Variants in ZNF214 observed in about 807,000 individuals in gnomAD.
The protein encoded by ZNF214 is zinc finger protein 214.
Under a neutral mutation model 53.9 loss-of-function variants are expected in ZNF214, and 43 were observed. The observed-to-expected ratio is 0.80, with a 90% CI of 0.63 to 1.03. The LOEUF is 1.03. Ranked by LOEUF, ZNF214 falls within the 50% of genes least tolerant of loss-of-function variation. The pLI is 0.00. For missense variants in ZNF214, 724 were observed against 719.1 expected (o/e 1.01, Z -0.08); for synonymous variants, 217 against 229.5 (o/e 0.95, Z 0.49).
chr11:7,000,520 C>T lies in ZNF214; in HGVS notation c.1163G>A (p.Cys388Tyr). ...RVHTGEKPYK[C>Y]DECGKGFSQS... Reference sequence around the variant, plus strand: ...GCTGAAACCCTTACCACACTCATCACACTTATATGGTTTTTCTCCTGTGTG... The same window carrying T: ...GCTGAAACCCTTACCACACTCATCATACTTATATGGTTTTTCTCCTGTGTG... The change falls in exon 3 of 3, where the codon TGT (cysteine) becomes TAT (tyrosine). Residue 388 changes from cysteine to tyrosine, a missense_variant. Coordinates refer to ENST00000278314, the MANE Select transcript of ZNF214 (RefSeq NM_013249.4). 1 of 1,612,430 alleles carries T rather than the reference C, an allele frequency of 6.2e-7. No homozygotes were observed. The highest frequency in any genetic ancestry group is 8.5e-7 in the Non-Finnish European group (1 of 1,179,188).
chr11:7,001,660 T>A (rs1851358447), intron 2 of ZNF214, 105 bp from the exon 3 acceptor site: 1 of 1,334,102 alleles, frequency 7.5e-7, no homozygotes, highest in Non-Finnish European at 1.0e-6. Flanking sequence ...TATGTGTGGC[T>A]GGGGGTAGGA....
chr11:7,003,887 AAT>A (rs1851416146), intron 1 of ZNF214, among the ~76,000 whole-genome samples: 1 of 151,888 alleles, frequency 6.6e-6, no homozygotes, highest in Admixed American at 6.6e-5. Flanking sequence ...GTATATTTTT[AAT>A]GTTTATAAAA....
At chr11:7,007,381 A>T (rs1851495546) in intron 1 of ZNF214, among the ~76,000 whole-genome samples, 1 of 151,194 alleles carries the variant, frequency 6.6e-6, no homozygotes, top group African/African-American at 2.4e-5. Context: ...CAGATTAAAA[A>T]ATAAGATTTA....
chr11:7,018,435 T>C (rs1325707361), intron 1 of ZNF214, among the ~76,000 whole-genome samples: 1 of 151,680 alleles, frequency 6.6e-6, no homozygotes, highest in Non-Finnish European at 1.5e-5. Flanking sequence ...CACTGTTTAA[T>C]GTCGATAACT....
rs180989401 is a variant in ZNF214, at chr11:6,997,343, G to C, written c.*2519C>G. Reference sequence around the variant, plus strand: ...CAATATCACATTTTCATCTGTTATAGCACATAATTAGAAATTTTTAACCCA... The same window carrying C: ...CAATATCACATTTTCATCTGTTATACCACATAATTAGAAATTTTTAACCCA... On this transcript the variant is annotated 3_prime_UTR_variant, in exon 3 of 3. Transcript: ENST00000278314. 1.4e-4 allele frequency among the ~76,000 whole-genome samples: 22 copies of C among 151,744 alleles called. No individual in the cohort carries two copies. Among genetic ancestry groups the C allele is most frequent in the African/African-American group, 5.1e-4 (21 of 41,452 alleles).
chr11:7,015,114 CAG>C (rs1400934584), intron 1 of ZNF214, among the ~76,000 whole-genome samples: 8 of 127,608 alleles, frequency 6.3e-5, no homozygotes, highest in African/African-American at 1.2e-4. Flanking sequence ...TTTTTTGAGA[CAG>C]AGTCTCGCTC....
At chr11:7,018,128 A>G (rs940800625) in intron 1 of ZNF214, among the ~76,000 whole-genome samples, 1 of 152,242 alleles carries the variant, frequency 6.6e-6, no homozygotes, top group Non-Finnish European at 1.5e-5. Flanking sequence ...CATATATACA[A>G]TAAGTATTAA....
In ZNF214 at chr11:7,001,207, G is replaced by A. The variant is rs1352973589; in HGVS notation, c.476C>T (p.Ser159Leu). ...DYGREIYMSGSHGFQGGRYRL... is the reference protein window; with the variant it reads ...DYGREIYMSGLHGFQGGRYRL... ...GTATCTGCCCCCTTGAAAACCATGT[G>A]AACCACTCATGTAGATTTCTCTACC... is the stretch of plus-strand genomic sequence containing the variant. Residue 159 changes from serine to leucine, a missense_variant, in exon 3 of 3, where the codon TCA (serine) becomes TTA (leucine). Ser to Leu is a moderately radical substitution (Grantham distance 145, BLOSUM62 -2). Coordinates refer to ENST00000278314, the MANE Select transcript of ZNF214 (RefSeq NM_013249.4). The A allele has an allele frequency of 1.2e-6, 2 of 1,613,084 alleles. No individual in the cohort carries two copies. The highest frequency in any genetic ancestry group is 1.7e-6 in the Non-Finnish European group (2 of 1,179,536).
chr11:6,999,287 CAGAT>C lies in ZNF214; in HGVS notation c.*571_*574del, dbSNP rs1402358903. The C allele has an allele frequency of 6.6e-6, 1 of 152,422 alleles. No individual in the cohort carries two copies. The highest frequency in any genetic ancestry group is 2.4e-5 in the African/African-American group (1 of 41,406). The allele number at this position is 152,422 out of a possible 1,614,324, so 9.4% of individuals were successfully genotyped here. Reference sequence around the variant, plus strand: ...TTTCTGGTTGACAGAGATAACAACTCAGATACACTGTCTCAGACACAATGTCATA... The same window carrying C: ...TTTCTGGTTGACAGAGATAACAACTCACACTGTCTCAGACACAATGTCATA... On this transcript the variant is annotated 3_prime_UTR_variant, in exon 3 of 3. Transcript: ENST00000278314.
chr11:7,014,301 CAGTT>C (rs1456369772), intron 1 of ZNF214, among the ~76,000 whole-genome samples: 1 of 152,160 alleles, frequency 6.6e-6, no homozygotes, highest in African/African-American at 2.4e-5. Flanking sequence ...TGTACAAGAA[CAGTT>C]AGAGCATAAT....
Position 6,999,636 on chromosome 11 carries a change from A to G in ZNF214, c.*226T>C, listed in dbSNP as rs1851270407. 1.3e-5 allele frequency: 5 copies of G among 384,226 alleles called. No homozygotes were observed. In the East Asian group the frequency reaches 2.1e-4, roughly 16 times the overall value. The allele number at this position is 384,226 out of a possible 1,614,324, so 23.8% of individuals were successfully genotyped here. A position where few individuals can be genotyped will look rare whatever the true frequency, so the allele number is the denominator to read the frequency against. On this transcript the variant is annotated 3_prime_UTR_variant, in exon 3 of 3. Transcript: ENST00000278314. ...AAATGTTTAATATATTTATGACTGT[A>G]TTATATTTATAGTAGGTAAAGAAAA...
intron 1 of ZNF214, among the ~76,000 whole-genome samples, chr11:7,014,210 CAA>C (rs1306415837): frequency 6.6e-6 from 1 of 152,094 alleles, no homozygotes; most frequent in Admixed American, 6.6e-5. Context: ...AAACTACTGG[CAA>C]TGATAAGGGA....
chr11:7,004,037 C>A (rs1307489259), intron 1 of ZNF214, among the ~76,000 whole-genome samples: 2 of 151,794 alleles, frequency 1.3e-5, no homozygotes, highest in Non-Finnish European at 2.9e-5. Context: ...AATGGACTCA[C>A]TGATCTCTAA....
chr11:7,014,886 G>T (rs1851722343), intron 1 of ZNF214, among the ~76,000 whole-genome samples: 1 of 151,496 alleles, frequency 6.6e-6, no homozygotes, highest in Non-Finnish European at 1.5e-5. Flanking sequence ...TGGACTCCAG[G>T]CTGGGAGAGA....
At chr11:7,019,749 G>C (rs998807321) in intron 1 of ZNF214, 26 of 152,194 alleles carry the variant, frequency 1.7e-4, no homozygotes, top group African/African-American at 6.0e-4. Context: ...TAGGTTCCTG[G>C]GCAAAGTAAT....
At chr11:7,018,326 T>C (rs1279702507) in intron 1 of ZNF214, among the ~76,000 whole-genome samples, 1 of 152,134 alleles carries the variant, frequency 6.6e-6, no homozygotes, top group East Asian at 1.9e-4. Flanking sequence ...AAATTGTACC[T>C]GAGAGTAAAT....
intron 1 of ZNF214, among the ~76,000 whole-genome samples, chr11:7,006,344 T>G (rs1851472360): frequency 6.6e-6 from 1 of 152,072 alleles, no homozygotes; most frequent in African/African-American, 2.4e-5. Context: ...AAACTTGATA[T>G]CTCTTTTGTC....
chr11:7,002,941 C>T, intron 1 of ZNF214, 86 bp from the exon 2 acceptor site: 2 of 1,334,022 alleles, frequency 1.5e-6, no homozygotes, highest in Non-Finnish European at 2.0e-6. Flanking sequence ...ATAGAAAAAA[C>T]AAGAACTTCA....
intron 1 of ZNF214, among the ~76,000 whole-genome samples, chr11:7,008,820 G>A (rs1385852044): frequency 6.6e-6 from 1 of 152,082 alleles, no homozygotes; most frequent in African/African-American, 2.4e-5. Flanking sequence ...AATCAAGAAT[G>A]CAATCCCATT....
Sources: allele counts gnomAD v4.1 joint callset (sites outside exome capture counted in the v4.1 genomes callset), GRCh38; gene constraint gnomAD v4.1.1; transcripts MANE v1.5; gene names NCBI Gene and HGNC (gene_info 2026-07-23, HGNC 2026-07-21).